The following RANBP2 variants were observed in gnomAD, a reference collection of about 807,000 sequenced individuals.
RANBP2 encodes the protein E3 SUMO-protein ligase RanBP2.
A neutral mutation model predicts 303.6 loss-of-function variants in RANBP2; 57 were observed. That is an observed-to-expected ratio of 0.19 (90% CI 0.15 to 0.23). The LOEUF is 0.23. RANBP2 is among the 10% of genes least tolerant of loss of function. RANBP2 has a pLI of 1.00. For missense variants in RANBP2, 3,138 were observed against 3,780.8 expected, an observed-to-expected ratio of 0.83 and a Z score of 4.46; for synonymous variants, 1,167 against 1,301.5, an observed-to-expected ratio of 0.90 and a Z score of 2.23.
At chr2:109,717,633 G>T in the RANBP2 span, among the ~76,000 whole-genome samples, 2 of 148,316 alleles carry the variant, frequency 1.3e-5, no homozygotes, top group African/African-American at 2.5e-5. Context: ...CAGTTCCTAG[G>T]CCAGGCACAG....
chr2:108,784,670 G>T lies in RANBP2; in HGVS notation c.*769G>T, dbSNP rs1347427614. ...TTTTCCTTGTAGTTATTGTGATAAA[G>T]TATGAATATTTTTAGAAAGTCTATA... On this transcript the variant is annotated 3_prime_UTR_variant, in exon 29 of 29. Coordinates refer to ENST00000283195, the MANE Select transcript of RANBP2 (RefSeq NM_006267.5). The T allele has an allele frequency of 6.6e-6, 1 of 152,582 alleles. No homozygotes were observed. The highest frequency in any genetic ancestry group is 1.5e-5 in the Non-Finnish European group (1 of 68,020). The allele number at this position is 152,582 out of a possible 1,614,324, so 9.5% of individuals were successfully genotyped here.
At chr2:109,219,058 C>T in the RANBP2 span, among the ~76,000 whole-genome samples, 1 of 152,110 alleles carries the variant, frequency 6.6e-6, no homozygotes, top group African/African-American at 2.4e-5. Flanking sequence ...CCTCATTTAG[C>T]TGACCTTAAT....
In RANBP2 at chr2:108,782,871, T is replaced by C. The variant is rs1183973061; in HGVS notation, c.9369+9T>C. The C allele has an allele frequency of 6.2e-7, 1 of 1,602,556 alleles. No homozygotes were observed. Among genetic ancestry groups the C allele is most frequent in the South Asian group, 1.1e-5 (1 of 90,898 alleles). On this transcript the variant is annotated intron_variant, in intron 28 of 28. Coordinates refer to ENST00000283195, the MANE Select transcript of RANBP2 (RefSeq NM_006267.5). ...CAGATTTTGTTTGCCAAGTAGGTATTATTAAGTACATACCACAATTGAGGT... is the reference window on the plus strand; with the variant it reads ...CAGATTTTGTTTGCCAAGTAGGTATCATTAAGTACATACCACAATTGAGGT...
chr2:109,075,025 C>CAA, the RANBP2 span, among the ~76,000 whole-genome samples: 220 of 44,430 alleles, frequency 5.0e-3, 1 homozygote, highest in African/African-American at 6.7e-3. Flanking sequence ...GTCTCCATCT[C>CAA]AAAAAAAAAA....
intron 12 of RANBP2, among the ~76,000 whole-genome samples, chr2:108,752,670 G>A (rs826522): frequency 0.26 from 38,180 of 148,600 alleles, 5,262 homozygotes; most frequent in African/African-American, 0.35. Flanking sequence ...GCAGGCATCT[G>A]TAGTCCCAGC....
At chr2:108,864,132 A>G in the RANBP2 span, among the ~76,000 whole-genome samples, 2 of 152,116 alleles carry the variant, frequency 1.3e-5, no homozygotes, top group Non-Finnish European at 2.9e-5. Flanking sequence ...GTTATATAGC[A>G]TATTTTGAGG....
chr2:109,129,399 C>T, the RANBP2 span: 6 of 1,385,206 alleles, frequency 4.3e-6, no homozygotes, highest in East Asian at 2.8e-5. Context: ...CCGCCACAGC[C>T]CTAGCATCGG....
At chr2:109,700,992 G>T in the RANBP2 span, among the ~76,000 whole-genome samples, 2 of 152,202 alleles carry the variant, frequency 1.3e-5, no homozygotes, top group Admixed American at 6.5e-5. Flanking sequence ...AAGGAGGGAG[G>T]TTCAGCCTCA....
the RANBP2 span, among the ~76,000 whole-genome samples, chr2:109,075,100 A>C: frequency 1.3e-5 from 2 of 149,424 alleles, no homozygotes; most frequent in African/African-American, 2.4e-5. Context: ...GTCGTACCTT[A>C]AGGAACTAGA....
the RANBP2 span, among the ~76,000 whole-genome samples, chr2:108,810,126 T>A: frequency 6.6e-6 from 1 of 152,162 alleles, no homozygotes; most frequent in East Asian, 1.9e-4. Context: ...AATTTGGATG[T>A]CTTTTATTTC....
chr2:109,388,472 C>G, the RANBP2 span, among the ~76,000 whole-genome samples: 1 of 152,226 alleles, frequency 6.6e-6, no homozygotes, highest in South Asian at 2.1e-4. Flanking sequence ...CCACCCTCCC[C>G]AGCCAGGCCC....
chr2:109,589,947 G>A, the RANBP2 span, among the ~76,000 whole-genome samples: 1 of 151,870 alleles, frequency 6.6e-6, no homozygotes, highest in East Asian at 1.9e-4. Flanking sequence ...TATCCCAATA[G>A]TGATTTATTT....
the RANBP2 span, among the ~76,000 whole-genome samples, chr2:109,037,549 C>G: frequency 6.6e-5 from 10 of 152,056 alleles, no homozygotes; most frequent in Non-Finnish European, 1.3e-4. Context: ...TGGTTGTCTA[C>G]TTAGAAAATC....
the RANBP2 span, among the ~76,000 whole-genome samples, chr2:109,395,424 G>A: frequency 2.6e-5 from 4 of 152,200 alleles, no homozygotes; most frequent in African/African-American, 7.2e-5. Flanking sequence ...CCTCGGCAGC[G>A]GTTCGCCTGC....
the RANBP2 span, chr2:108,897,049 C>T: frequency 1.7e-5 from 28 of 1,614,164 alleles, no homozygotes; most frequent in Non-Finnish European, 2.3e-5. Context: ...GCCTGCCGTG[C>T]TGATGCGGTC....
intron 23 of RANBP2, among the ~76,000 whole-genome samples, chr2:108,774,749 A>G (rs183245065): frequency 2.2e-4 from 32 of 142,440 alleles, no homozygotes; most frequent in Admixed American, 1.5e-3. Context: ...TCTGTCTCCC[A>G]GGCTGGAGTG....
the RANBP2 span, among the ~76,000 whole-genome samples, chr2:109,604,161 CAAAAAAA>C: frequency 1.7e-5 from 1 of 58,672 alleles, no homozygotes. Context: ...GACTCTGCCT[CAAAAAAA>C]AAAAAAAAAA....
chr2:109,247,017 T>G, the RANBP2 span, among the ~76,000 whole-genome samples: 1 of 152,242 alleles, frequency 6.6e-6, no homozygotes, highest in Non-Finnish European at 1.5e-5. Flanking sequence ...GGACCCTCAC[T>G]TTTTGAGATG....
chr2:109,322,331 G>A, the RANBP2 span, among the ~76,000 whole-genome samples: 1 of 152,162 alleles, frequency 6.6e-6, no homozygotes, highest in Non-Finnish European at 1.5e-5. Context: ...AGCCAGGGCC[G>A]GCAGAGGCAG....
Sources: allele counts gnomAD v4.1 joint callset (sites outside exome capture counted in the v4.1 genomes callset), GRCh38; gene constraint gnomAD v4.1.1; transcripts MANE v1.5; gene names NCBI Gene and HGNC (gene_info 2026-07-23, HGNC 2026-07-21).